The following ZKSCAN7 variants were observed in gnomAD, a reference collection of about 807,000 sequenced individuals.
The protein encoded by ZKSCAN7 is zinc finger with KRAB and SCAN domains 7.
ZKSCAN7 carries 38 observed loss-of-function variants against 65.3 expected under a neutral mutation model. The ratio of observed to expected loss-of-function variants is 0.58; its 90% CI spans 0.45 to 0.76. The LOEUF is 0.76. Among genes scored for constraint, ZKSCAN7 ranks in the 30% least tolerant of loss-of-function variants. The pLI is 0.00. For synonymous variants in ZKSCAN7, 321 were observed against 321.0 expected (o/e 1.00, Z 0.00); for missense variants, 815 against 913.3 (o/e 0.89, Z 1.39).
In ZKSCAN7 at chr3:44,579,977, G is replaced by GA. The variant is rs377234323; in HGVS notation, c.812-2995_812-2994insA. The GA allele has an allele frequency of 1.4e-4, 229 of 1,587,456 alleles. 3 individuals carry two copies. The South Asian group carries it at 2.2e-3, about 15-fold the overall frequency. ...CCGAGGCGTCTGGGAGAGGAGCTTGGGGGGGGGCTTCATTGGTGAAGTCCT... is the reference window on the plus strand; with the variant it reads ...CCGAGGCGTCTGGGAGAGGAGCTTGGAGGGGGGGCTTCATTGGTGAAGTCCT... On this transcript the variant is annotated intron_variant, in intron 5 of 5. Coordinates refer to the ZKSCAN7 transcript ENST00000341840.
At chr3:44,565,824 C>T (rs1436049463) in intron 3 of ZKSCAN7, among the ~76,000 whole-genome samples, 169 bp downstream of exon 3, 1 of 152,156 alleles carries the variant, frequency 6.6e-6, no homozygotes, top group Non-Finnish European at 1.5e-5. Context: ...TCTAATCATT[C>T]GTGTAGTTAG....
At chr3:44,582,092 GA>G (rs1395041484) in intron 5 of ZKSCAN7, among the ~76,000 whole-genome samples, 1 of 152,220 alleles carries the variant, frequency 6.6e-6, no homozygotes, top group African/African-American at 2.4e-5. Flanking sequence ...GGGACCAGTA[GA>G]ATTTGCCACA....
At position 44,568,305 on chromosome 3, in the gene ZKSCAN7, AG is replaced by A. The variant is rs1287382490; in HGVS notation, c.685del. On this transcript the variant is annotated splice_acceptor_variant, in intron 4 of 5. Coordinates refer to ENST00000426540, the MANE Select transcript of ZKSCAN7 (RefSeq NM_001288590.2). LOFTEE classifies it high-confidence loss of function. Reference sequence around the variant, plus strand: ...CTGAGCGATTGGAGCTTGTCATTCCAGGATACTGTGGCATATGAGGACCTAT... The same window carrying A: ...CTGAGCGATTGGAGCTTGTCATTCCAGATACTGTGGCATATGAGGACCTAT... 17 of 1,611,314 alleles carry A rather than the reference AG, an allele frequency of 1.1e-5. No individual in the cohort carries two copies. The highest frequency in any genetic ancestry group is 1.4e-5 in the Non-Finnish European group (17 of 1,179,060).
At chr3:44,556,502 T>C (rs903250381) in intron 1 of ZKSCAN7, among the ~76,000 whole-genome samples, 1 of 152,394 alleles carries the variant, frequency 6.6e-6, no homozygotes, top group East Asian at 1.9e-4. Context: ...GGTTTATTTG[T>C]AATTTAAACA....
chr3:44,570,908 A>G lies in ZKSCAN7; in HGVS notation c.1798A>G (p.Ile600Val). Residue 600 changes from isoleucine to valine, a missense_variant, in exon 6 of 6, where the codon ATT (isoleucine) becomes GTT (valine). Around this residue, in one of 3 missense-constraint regions of ZKSCAN7, gnomAD observed 578 missense variants for 629.5 expected, o/e 0.92. Coordinates refer to ENST00000426540, the MANE Select transcript of ZKSCAN7 (RefSeq NM_001288590.2). The part of the protein sequence containing the change: ...QNSQLIEHER[I>V]HTGEKPFECS... ...CTCTCAACTCATTGAGCATGAGCGAATTCATACTGGAGAAAAACCTTTTGA... is the reference window on the plus strand; with the variant it reads ...CTCTCAACTCATTGAGCATGAGCGAGTTCATACTGGAGAAAAACCTTTTGA... 6.2e-7 allele frequency: 1 copy of G among 1,614,058 alleles called. No individual in the cohort carries two copies. The highest frequency in any genetic ancestry group is 8.5e-7 in the Non-Finnish European group (1 of 1,179,912).
At chr3:44,580,965 T>G in intron 5 of ZKSCAN7, 1 of 1,612,136 alleles carries the variant, frequency 6.2e-7, no homozygotes, top group Non-Finnish European at 8.5e-7. Flanking sequence ...GTTCTGACAC[T>G]TGCTCTTGTT....
At position 44,570,228 on chromosome 3, in the gene ZKSCAN7, A is replaced by G. The variant is rs1699757110; in HGVS notation, c.1118A>G (p.His373Arg). The G allele has an allele frequency of 2.5e-6, 4 of 1,614,156 alleles. No homozygotes were observed. Among genetic ancestry groups the G allele is most frequent in the African/African-American group, 1.3e-5 (1 of 74,954 alleles). The change falls in exon 6 of 6, where the codon CAT becomes CGT. Residue 373 changes from histidine to arginine, a missense_variant. This residue lies in a region of ZKSCAN7 where 578 missense variants were observed against 629.5 expected (regional missense o/e 0.92). Transcript: ENST00000426540. ...HPPLSSSPVE[H>R]EGVLKGQKSY... ...CCTCTGTCTTCCAGTCCTGTTGAAC[A>G]TGAAGGAGTTTTAAAGGGACAGAAA... is the stretch of plus-strand genomic sequence containing the variant.
intron 1 of ZKSCAN7, among the ~76,000 whole-genome samples, chr3:44,555,891 A>G (rs956585936): frequency 2.0e-5 from 3 of 152,220 alleles, no homozygotes; most frequent in African/African-American, 4.8e-5. Flanking sequence ...AGCTAAATGT[A>G]TCATATTCAT....
At chr3:44,568,178 G>A (rs1173461080) in intron 4 of ZKSCAN7, 129 bp from the exon 5 acceptor site, 31 of 1,537,498 alleles carry the variant, frequency 2.0e-5, no homozygotes, top group Non-Finnish European at 2.7e-5. Context: ...CCTTTTCGAG[G>A]TGTCATCTCA....
intron 5 of ZKSCAN7, among the ~76,000 whole-genome samples, chr3:44,569,208 A>T (rs1487329712): frequency 6.6e-6 from 1 of 152,220 alleles, no homozygotes; most frequent in African/African-American, 2.4e-5. Context: ...ACCTGGTGCC[A>T]GTCCAATCAC....
intron 2 of ZKSCAN7, among the ~76,000 whole-genome samples, chr3:44,565,193 C>T (rs1699595656): frequency 1.3e-5 from 2 of 152,126 alleles, no homozygotes; most frequent in East Asian, 1.9e-4. Flanking sequence ...TTAAATGGTT[C>T]TTCATAAGAA....
downstream of ZKSCAN7, among the ~76,000 whole-genome samples, chr3:44,574,820 C>T (rs1699891916): frequency 6.6e-6 from 1 of 151,980 alleles, no homozygotes; most frequent in Non-Finnish European, 1.5e-5. Flanking sequence ...ATCCCAGCTA[C>T]TTGGAAGGCT....
At position 44,557,261 on chromosome 3, in the gene ZKSCAN7, T is replaced by C; in HGVS notation, c.214T>C (p.Leu72=). 2 of 1,614,266 alleles carry C rather than the reference T, an allele frequency of 1.2e-6. No homozygotes were observed. The highest frequency in any genetic ancestry group is 1.1e-5 in the South Asian group (1 of 91,084). Residue 72 remains leucine (L), a synonymous_variant, in exon 2 of 6, where the codon TTG becomes CTG. Coordinates refer to ENST00000426540, the MANE Select transcript of ZKSCAN7 (RefSeq NM_001288590.2). ...CGAGATGTCTGGGCCGCAGGAAGCA[T>C]TGAGCCGGCTTCGGGAGCTCTGCCG... ...YHEMSGPQEA[L]SRLRELCRWW...
chr3:44,568,799 T>A (rs1476588388), intron 5 of ZKSCAN7, among the ~76,000 whole-genome samples: 1 of 152,186 alleles, frequency 6.6e-6, no homozygotes, highest in Non-Finnish European at 1.5e-5. Flanking sequence ...GAGCCTGAGC[T>A]GCAAAAGCAA....
chr3:44,570,268 T>C lies in ZKSCAN7; in HGVS notation c.1158T>C (p.Asp386=). 6.2e-7 allele frequency: 1 copy of C among 1,614,238 alleles called. No individual in the cohort carries two copies. Among genetic ancestry groups the C allele is most frequent in the Non-Finnish European group, 8.5e-7 (1 of 1,180,046 alleles). Residue 386 remains aspartate, a synonymous_variant, in exon 6 of 6, where the codon GAT becomes GAC. Transcript: ENST00000426540. ...VLKGQKSYRC[D]ECGKAFNRSS... is the part of the protein sequence containing the mutation. ...AGGGACAGAAATCCTATCGATGTGA[T>C]GAATGTGGCAAAGCTTTCAATCGGA... is the stretch of plus-strand genomic sequence containing the variant.
Position 44,568,418 on chromosome 3 carries a change from A to C in ZKSCAN7, c.796A>C (p.Ser266Arg). ...QWNMMPENHH[S>R]MASLAGENMM... is the part of the protein sequence containing the mutation. ...GAACATGATGCCAGAAAATCACCAT[A>C]GCATGGCCTCCTTGGGTAATGATTC... Residue 266 changes from serine (S) to arginine (R), a missense_variant, in exon 5 of 6, where the codon AGC becomes CGC. Physicochemically the swap from Ser to Arg is moderately radical, Grantham distance 110 (BLOSUM62 -1). Coordinates refer to ENST00000426540, the MANE Select transcript of ZKSCAN7 (RefSeq NM_001288590.2). 6.2e-7 allele frequency: 1 copy of C among 1,614,028 alleles called. No homozygotes were observed. Among genetic ancestry groups the C allele is most frequent in the East Asian group, 2.2e-5 (1 of 44,890 alleles).
intron 5 of ZKSCAN7, among the ~76,000 whole-genome samples, chr3:44,577,281 C>CTTTTTTT (rs35642284): frequency 6.8e-6 from 1 of 146,844 alleles, no homozygotes. Flanking sequence ...ATAACCAATT[C>CTTTTTTT]TTTTTTTTTT....
chr3:44,580,183 G>C, intron 5 of ZKSCAN7: 3 of 1,610,220 alleles, frequency 1.9e-6, no homozygotes, highest in Admixed American at 3.3e-5. Flanking sequence ...AGCGGCGGGG[G>C]CAGCTGCTGT....
rs1279453091 is a variant in ZKSCAN7 at position 44,555,259 on chromosome 3, C to T, written c.-341C>T. The T allele has an allele frequency of 6.6e-6, 1 of 152,248 alleles. No homozygotes were observed. The highest frequency in any genetic ancestry group is 1.5e-5 in the Non-Finnish European group (1 of 68,060). 9.4% of individuals were successfully genotyped at this position (152,248 alleles called of 1,614,324 possible). A position where few individuals can be genotyped will look rare whatever the true frequency, so the allele number is the denominator to read the frequency against. Reference sequence around the variant, plus strand: ...AGTGTCCGGCTTCGGTGCCGAGTGCCACCGCGAGTGGGCCGAGACGCGGAG... The same window carrying T: ...AGTGTCCGGCTTCGGTGCCGAGTGCTACCGCGAGTGGGCCGAGACGCGGAG... On this transcript the variant is annotated 5_prime_UTR_variant, in exon 1 of 6. Transcript: ENST00000426540.
Sources: gnomAD v4.1 joint callset for allele counts (sites outside exome capture counted in the v4.1 genomes callset) on GRCh38, gnomAD v4.1.1 for gene constraint, gnomAD v4.1.1 regional missense constraint, MANE v1.5 for transcripts, NCBI Gene and HGNC (gene_info 2026-07-23, HGNC 2026-07-21) for gene names.